The following PHF20L1 variants were observed in gnomAD, a reference collection of about 807,000 sequenced individuals.
PHF20L1 encodes PHD finger protein 20 like 1, also known as PHD finger protein 20-like protein 1.
A neutral mutation model predicts 125.5 loss-of-function variants in PHF20L1; 44 were observed. That is an observed-to-expected ratio of 0.35 (90% CI 0.28 to 0.45). PHF20L1 has a LOEUF of 0.45. Among genes scored for constraint, PHF20L1 ranks in the 20% least tolerant of loss-of-function variants. PHF20L1 has a pLI of 1.00. For missense variants in PHF20L1, 1,012 were observed against 1,217.2 expected (o/e 0.83, Z 2.51); for synonymous variants, 380 against 403.1 (o/e 0.94, Z 0.69).
intron 2 of PHF20L1, among the ~76,000 whole-genome samples, chr8:132,778,851 T>C (rs1402783706): frequency 1.3e-5 from 2 of 152,218 alleles, no homozygotes; most frequent in Admixed American, 1.3e-4. Context: ...GAAGCCCGTT[T>C]ATTTTGATGC....
chr8:132,778,214 T>C (rs1326304429), intron 2 of PHF20L1, among the ~76,000 whole-genome samples: 2 of 152,214 alleles, frequency 1.3e-5, no homozygotes, highest in Admixed American at 1.3e-4. Context: ...ATGAGCTGTA[T>C]TGGTGGAAGT....
intron 2 of PHF20L1, among the ~76,000 whole-genome samples, chr8:132,781,767 T>C (rs532408723): frequency 6.6e-6 from 1 of 152,282 alleles, no homozygotes; most frequent in Non-Finnish European, 1.5e-5. Flanking sequence ...AAAGTAACTT[T>C]ATAGCTACAT....
chr8:132,799,286 C>G, intron 6 of PHF20L1, 114 bp downstream of exon 6: 1 of 607,130 alleles, frequency 1.6e-6, no homozygotes, highest in Non-Finnish European at 2.9e-6. Context: ...CTTCTTCTTT[C>G]CTTCTACAAA....
intron 2 of PHF20L1, among the ~76,000 whole-genome samples, chr8:132,782,294 A>C (rs1355104745): frequency 6.6e-6 from 1 of 152,206 alleles, no homozygotes; most frequent in Non-Finnish European, 1.5e-5. Flanking sequence ...TAAGTCCTTT[A>C]ACTTGGTTTT....
Position 132,848,149 on chromosome 8 carries a change from G to GT in PHF20L1, c.*2229dup, listed in dbSNP as rs1323038513. The GT allele has an allele frequency of 6.6e-6, 1 of 151,892 alleles. No individual in the cohort carries two copies. The highest frequency in any genetic ancestry group is 1.9e-4 in the East Asian group (1 of 5,192). The allele number at this position is 151,892 out of a possible 1,614,324, so 9.4% of individuals were successfully genotyped here. A position where few individuals can be genotyped will look rare whatever the true frequency, so the allele number is the denominator to read the frequency against. On this transcript the variant is annotated 3_prime_UTR_variant, in exon 21 of 21. Transcript: ENST00000395386. ...AAATTCATGCACATTTGTTCTTGTA[G>GT]TTTCTAAAAATTAGATCAATTTATT...
In PHF20L1 at chr8:132,836,648, A is replaced by C; in HGVS notation, c.2018A>C (p.Asp673Ala). 1.9e-6 allele frequency: 3 copies of C among 1,613,144 alleles called. No individual in the cohort carries two copies. The highest frequency in any genetic ancestry group is 2.5e-6 in the Non-Finnish European group (3 of 1,179,330). ...TCAACCAATTTTGAGGAATCTCAGG[A>C]TGAGGATGATGCTCTTAATGAAATT... ...FDSTNFEESQ[D>A]EDDALNEIVR... Residue 673 changes from aspartate to alanine, a missense_variant, in exon 16 of 21, where the codon GAT (aspartate) becomes GCT (alanine). By Grantham distance (126) the Asp-to-Ala change is moderately radical. This residue lies in a region of PHF20L1 where 320 missense variants were observed against 293.8 expected (regional missense o/e 1.09). Transcript: ENST00000395386.
intron 1 of PHF20L1, 32 bp from the exon 2 acceptor site, chr8:132,777,760 C>A: frequency 2.1e-6 from 2 of 957,998 alleles, no homozygotes; most frequent in Non-Finnish European, 3.4e-6. Flanking sequence ...GCATTTTCTG[C>A]ATTGGAATCT....
chr8:132,783,419 A>G (rs1830658396), intron 2 of PHF20L1, among the ~76,000 whole-genome samples: 1 of 152,222 alleles, frequency 6.6e-6, no homozygotes, highest in Admixed American at 6.5e-5. Context: ...AAGGAAATTT[A>G]CATTGTAGCA....
At chr8:132,824,118 A>G (rs756421968) in intron 13 of PHF20L1, 58 bp downstream of exon 13, 2 of 1,058,342 alleles carry the variant, frequency 1.9e-6, no homozygotes, top group Non-Finnish European at 2.9e-6. Flanking sequence ...GAGAGGGAGG[A>G]CATAGTCTGC....
At chr8:132,839,092 G>A (rs1210915878) in intron 17 of PHF20L1, 3 of 273,262 alleles carry the variant, frequency 1.1e-5, no homozygotes, top group Non-Finnish European at 2.1e-5. Context: ...CCTTTTTAGA[G>A]GACAGATGAT....
rs1838560280 is a variant in PHF20L1, at chr8:132,848,359, C to G, written c.*2436C>G. The stretch of plus-strand genomic sequence containing the variant: ...AGCCTTTCACAAGTAGTGCGCTGAG[C>G]TTTTCTTATTGAAGAGAGTGAATTA... On this transcript the variant is annotated 3_prime_UTR_variant, in exon 21 of 21. Transcript: ENST00000395386. 1 of 152,486 alleles carries G rather than the reference C, an allele frequency of 6.6e-6. No homozygotes were observed. The highest frequency in any genetic ancestry group is 2.1e-4 in the South Asian group (1 of 4,828). The allele number at this position is 152,486 out of a possible 1,614,324, so 9.4% of individuals were successfully genotyped here. A position where few individuals can be genotyped will look rare whatever the true frequency, so the allele number is the denominator to read the frequency against.
At chr8:132,789,664 A>G (rs1831450482) in intron 2 of PHF20L1, among the ~76,000 whole-genome samples, 1 of 152,188 alleles carries the variant, frequency 6.6e-6, no homozygotes, top group Non-Finnish European at 1.5e-5. Context: ...GGATTCAAGT[A>G]TACAAGACAT....
At position 132,842,469 on chromosome 8, in the gene PHF20L1, A is replaced by G. The variant is rs763472762; in HGVS notation, c.2388-46A>G. 43 of 1,188,710 alleles carry G rather than the reference A, an allele frequency of 3.6e-5. No individual in the cohort carries two copies. The African/African-American group carries it at 6.5e-4, about 18-fold the overall frequency. The allele number at this position is 1,188,710 out of a possible 1,614,324, so 73.6% of individuals were successfully genotyped here. On this transcript the variant is annotated intron_variant, in intron 18 of 20. Coordinates refer to ENST00000395386, the MANE Select transcript of PHF20L1 (RefSeq NM_016018.5). ...ATCATTGTATTCAGCTTGTTAATAG[A>G]TTTTTTTTTTTTTCTGAACTGCTGT...
rs570503240 is a variant in PHF20L1, at chr8:132,817,650, A to G, written c.1579+105A>G. The G allele has an allele frequency of 1.1e-4, 82 of 714,548 alleles. No homozygotes were observed. The Middle Eastern group carries it at 1.6e-3, about 14-fold the overall frequency. 44.3% of individuals were successfully genotyped at this position (714,548 alleles called of 1,614,324 possible). The stretch of plus-strand genomic sequence containing the variant: ...TTAACTACATTATTTTGATTCCTAT[A>G]TAATTCCTTTTCATAAATACTTTAA... On this transcript the variant is annotated intron_variant, in intron 12 of 20. Transcript: ENST00000395386.
chr8:132,811,247 A>G (rs1399430476), intron 9 of PHF20L1, 119 bp downstream of exon 9: 25 of 1,483,766 alleles, frequency 1.7e-5, no homozygotes, highest in Non-Finnish European at 2.2e-5. Flanking sequence ...AAGCTAATTA[A>G]TTGATGATAT....
chr8:132,804,337 CT>C lies in PHF20L1; in HGVS notation c.722-276del, dbSNP rs551169279. On this transcript the variant is annotated intron_variant, in intron 7 of 20. Coordinates refer to ENST00000395386, the MANE Select transcript of PHF20L1 (RefSeq NM_016018.5). The stretch of plus-strand genomic sequence containing the variant: ...TTTTTTCTTTTGTTTTGTGTTTTTT[CT>C]TCAACCTTTTAAATGCTTCTGTGTA... Among the ~76,000 whole-genome samples, 8 of 151,374 alleles carry C rather than the reference CT, an allele frequency of 5.3e-5. No homozygotes were observed. The South Asian group carries it at 1.7e-3, about 31-fold the overall frequency.
intron 17 of PHF20L1, 67 bp downstream of exon 17, chr8:132,837,878 ATC>A: frequency 9.1e-7 from 1 of 1,104,566 alleles, no homozygotes; most frequent in Non-Finnish European, 1.4e-6. Flanking sequence ...TCCAGAGTGT[ATC>A]AGCTGTGTTC....
rs902474467 is a variant in PHF20L1 at position 132,810,839 on chromosome 8, A to G, written c.848-207A>G. ...TTGAGTAATATTAAACAACAGACAC[A>G]CAACTGTATAAGCAACTCTCAAGTT... On this transcript the variant is annotated intron_variant, in intron 8 of 20. Transcript: ENST00000395386. 31 of 496,056 alleles carry G rather than the reference A, an allele frequency of 6.2e-5. 1 individual carries two copies. Among genetic ancestry groups the G allele is most frequent in the African/African-American group, 6.0e-4 (31 of 51,366 alleles). The allele number at this position is 496,056 out of a possible 1,614,324, so 30.7% of individuals were successfully genotyped here.
In PHF20L1 at chr8:132,799,659, A is replaced by T. The variant is rs188371499; in HGVS notation, c.507+487A>T. The stretch of plus-strand genomic sequence containing the variant: ...GAAATATGCTACGTATTTGTTCCAT[A>T]CCATGCGGTGAAAACTGTCATTCTG... On this transcript the variant is annotated intron_variant, in intron 6 of 20. Transcript: ENST00000395386. 4.0e-3 allele frequency: 607 copies of T among 152,474 alleles called. 6 individuals carry two copies. The highest frequency in any genetic ancestry group is 3.8e-3 in the Non-Finnish European group (257 of 68,158). The allele number at this position is 152,474 out of a possible 1,614,324, so 9.4% of individuals were successfully genotyped here.
Sources: allele counts gnomAD v4.1 joint callset (sites outside exome capture counted in the v4.1 genomes callset), GRCh38; gene constraint gnomAD v4.1.1; regional missense constraint gnomAD v4.1.1; transcripts MANE v1.5; gene names NCBI Gene and HGNC (gene_info 2026-07-23, HGNC 2026-07-21).